NTN1: variants seen among roughly 807,000 people sequenced by gnomAD.
NTN1 encodes netrin 1.
Under a neutral mutation model 54.2 loss-of-function variants are expected in NTN1, and 11 were observed. The observed-to-expected ratio is 0.20, with a 90% CI of 0.13 to 0.34. The LOEUF is 0.34. NTN1 is among the 10% of genes least tolerant of loss of function. The pLI is 1.00. For synonymous variants in NTN1, 371 were observed against 382.0 expected, an observed-to-expected ratio of 0.97 and a Z score of 0.33; for missense variants, 740 against 893.1, an observed-to-expected ratio of 0.83 and a Z score of 2.18.
At chr17:9,035,020 C>T (rs1448276629) in intron 2 of NTN1, among the ~76,000 whole-genome samples, 6 of 152,208 alleles carry the variant, frequency 3.9e-5, no homozygotes, top group East Asian at 1.9e-4. Flanking sequence ...GATCGCGGCT[C>T]GCTGCAAGCT....
chr17:9,125,757 C>T (rs2092245404), intron 2 of NTN1, among the ~76,000 whole-genome samples: 2 of 152,310 alleles, frequency 1.3e-5, no homozygotes, highest in Non-Finnish European at 2.9e-5. Flanking sequence ...AGGCGTGAGC[C>T]ACCATGCCCG....
At position 9,234,963 on chromosome 17, in the gene NTN1, G is replaced by GTT. The variant is rs1229784959; in HGVS notation, c.1487-4677_1487-4676insTT. ...TTTTTTTGTCTGTTTTTTGTTTTTT[G>GTT]GTTTTTTTTTTTTTTTGAGATGGAG... On this transcript the variant is annotated intron_variant, in intron 6 of 6. Transcript: ENST00000173229. 5.4e-3 allele frequency among the ~76,000 whole-genome samples: 361 copies of GTT among 67,410 alleles called. 3 individuals carry two copies. The highest frequency in any genetic ancestry group is 0.031 in the African/African-American group (343 of 10,982). The allele number at this position is 67,410 out of a possible 152,430, so 44.2% of individuals were successfully genotyped here.
intron 2 of NTN1, among the ~76,000 whole-genome samples, chr17:9,158,134 G>A (rs1330930286): frequency 6.6e-6 from 1 of 152,220 alleles, no homozygotes; most frequent in African/African-American, 2.4e-5. Context: ...TTTGCCACTT[G>A]ATGTCTCCTG....
At chr17:9,155,813 T>C (rs2142292832) in intron 2 of NTN1, among the ~76,000 whole-genome samples, 1 of 152,268 alleles carries the variant, frequency 6.6e-6, no homozygotes, top group South Asian at 2.1e-4. Flanking sequence ...GGGGGAACTG[T>C]CCTGTGCATT....
chr17:9,075,692 G>A (rs973243975), intron 2 of NTN1, among the ~76,000 whole-genome samples: 1 of 152,130 alleles, frequency 6.6e-6, no homozygotes, highest in Non-Finnish European at 1.5e-5. Flanking sequence ...GAGACCCTCA[G>A]GGACTTCAGT....
chr17:9,082,442 G>A (rs780174152), intron 2 of NTN1, among the ~76,000 whole-genome samples: 2 of 152,208 alleles, frequency 1.3e-5, no homozygotes, highest in Non-Finnish European at 2.9e-5. Flanking sequence ...GCTGCATTTT[G>A]TAAATGTAGT....
At chr17:9,214,845 T>C (rs543805461) in intron 5 of NTN1, among the ~76,000 whole-genome samples, 1 of 152,270 alleles carries the variant, frequency 6.6e-6, no homozygotes, top group South Asian at 2.1e-4. Context: ...TTTTATTTGG[T>C]TATATTCCCC....
intron 6 of NTN1, among the ~76,000 whole-genome samples, chr17:9,234,670 T>C (rs2142374308): frequency 6.6e-6 from 1 of 152,242 alleles, no homozygotes; most frequent in East Asian, 1.9e-4. Context: ...GCGTACCCGC[T>C]CACTTGCAGC....
At chr17:9,229,594 A>G (rs1434087948) in intron 6 of NTN1, among the ~76,000 whole-genome samples, 1 of 151,948 alleles carries the variant, frequency 6.6e-6, no homozygotes, top group Non-Finnish European at 1.5e-5. Context: ...GGGGCCACTG[A>G]CTCTGGATGA....
intron 2 of NTN1, among the ~76,000 whole-genome samples, chr17:9,149,439 A>G (rs4791800): frequency 0.29 from 44,233 of 152,056 alleles, 6,572 homozygotes; most frequent in East Asian, 0.42. Flanking sequence ...TCCAGCAGCC[A>G]CAGGGTTTTA....
intron 5 of NTN1, 71 bp downstream of exon 5, chr17:9,183,040 G>A: frequency 6.7e-7 from 1 of 1,496,502 alleles, no homozygotes; most frequent in Non-Finnish European, 9.3e-7. Flanking sequence ...GGTTAATGGG[G>A]AAGGGGCATT....
At chr17:9,198,591 T>C (rs1904699717) in intron 5 of NTN1, among the ~76,000 whole-genome samples, 1 of 152,178 alleles carries the variant, frequency 6.6e-6, no homozygotes, top group South Asian at 2.1e-4. Context: ...CCAAGAGCCC[T>C]ACACTGTAGA....
chr17:9,206,634 G>A (rs1185488057), intron 5 of NTN1, among the ~76,000 whole-genome samples: 1 of 152,220 alleles, frequency 6.6e-6, no homozygotes, highest in Non-Finnish European at 1.5e-5. Flanking sequence ...AGGCAGCCTG[G>A]GAGGGGATTT....
chr17:9,178,387 G>A (rs1288629300), intron 3 of NTN1, among the ~76,000 whole-genome samples: 1 of 152,196 alleles, frequency 6.6e-6, no homozygotes, highest in African/African-American at 2.4e-5. Flanking sequence ...GATTCCAGGA[G>A]GTTTTGCATG....
chr17:9,071,552 G>A (rs1272113322), intron 2 of NTN1, among the ~76,000 whole-genome samples: 1 of 152,026 alleles, frequency 6.6e-6, no homozygotes. Flanking sequence ...TAGTTTCTAA[G>A]CCCTAGGCTG....
rs536442526 is a variant in NTN1 at position 9,231,578 on chromosome 17, C to T, written c.1487-8062C>T. ...GCTCCACACCAGGGTGCCCTGGGAG[C>T]GCCCTGGAAATGCCAGCCCGGCTTG... On this transcript the variant is annotated intron_variant, in intron 6 of 6. Transcript: ENST00000173229. 1.0e-3 allele frequency among the ~76,000 whole-genome samples: 155 copies of T among 152,334 alleles called. No homozygotes were observed. In the Middle Eastern group the frequency reaches 0.017, roughly 17 times the overall value.
intron 2 of NTN1, among the ~76,000 whole-genome samples, chr17:9,054,802 G>C (rs2091973759): frequency 6.6e-6 from 1 of 152,092 alleles, no homozygotes; most frequent in Non-Finnish European, 1.5e-5. Context: ...TCCCCAGCCG[G>C]GCAGCACAGC....
the NTN1 span, among the ~76,000 whole-genome samples, chr17:9,015,627 C>T: frequency 2.0e-5 from 3 of 152,032 alleles, no homozygotes; most frequent in South Asian, 6.2e-4. Context: ...CTCCTCCCAC[C>T]CTCATGCTCA....
intron 2 of NTN1, among the ~76,000 whole-genome samples, chr17:9,157,466 A>G (rs1206287723): frequency 6.6e-6 from 1 of 152,254 alleles, no homozygotes; most frequent in Non-Finnish European, 1.5e-5. Context: ...GAGTGGCCAC[A>G]GGCATGTGTT....
Sources: allele counts gnomAD v4.1 joint callset (sites outside exome capture counted in the v4.1 genomes callset), GRCh38; gene constraint gnomAD v4.1.1; transcripts MANE v1.5; gene names NCBI Gene and HGNC (gene_info 2026-07-23, HGNC 2026-07-21).